Variants in OR1N2 observed in about 807,000 individuals in gnomAD.
OR1N2 encodes olfactory receptor 1N2.
For missense variants in OR1N2, 358 were observed against 380.2 expected (o/e 0.94, Z 0.49); for synonymous variants, 152 against 149.3 (o/e 1.02, Z -0.13).
At position 122,553,642 on chromosome 9, in the gene OR1N2, G is replaced by T. The variant is rs1564195108; in HGVS notation, c.431G>T (p.Cys144Phe). The stretch of plus-strand genomic sequence containing the variant: ...AGCACATCTATGAGTCCCCAGCTCT[G>T]TGCACTAATGCTGGGTGTGTGCTGG... ...HYSTSMSPQL[C>F]ALMLGVCWVL... The change falls in exon 1 of 1, where the codon TGT becomes TTT. Residue 144 changes from cysteine (C) to phenylalanine (F), a missense_variant. Physicochemically the swap from Cys to Phe is radical, Grantham distance 205. Transcript: ENST00000373688. The T allele has an allele frequency of 1.2e-6, 2 of 1,614,090 alleles. No individual in the cohort carries two copies. Among genetic ancestry groups the T allele is most frequent in the Non-Finnish European group, 1.7e-6 (2 of 1,180,000 alleles).
rs779474490 is a variant in OR1N2, at chr9:122,553,427, T to C, written c.216T>C (p.Thr72=). The C allele has an allele frequency of 6.2e-6, 10 of 1,614,196 alleles. No homozygotes were observed. The highest frequency in any genetic ancestry group is 8.5e-6 in the Non-Finnish European group (10 of 1,180,016). The change falls in exon 1 of 1, where the codon ACT becomes ACC. Residue 72 remains threonine, a synonymous_variant. Coordinates refer to ENST00000373688, the MANE Select transcript of OR1N2 (RefSeq NM_001004457.2). ...TCTTTCTGGCCAACCTGTCATTAAC[T>C]GATGCCTGTTTCACTTCTGCCTCCA... ...MYFFLANLSL[T]DACFTSASIP...
rs1159967873 is a variant in OR1N2 at position 122,553,392 on chromosome 9, C to G, written c.181C>G (p.Pro61Ala). The G allele has an allele frequency of 6.2e-7, 1 of 1,614,134 alleles. No individual in the cohort carries two copies. The highest frequency in any genetic ancestry group is 1.1e-5 in the South Asian group (1 of 91,078). The change falls in exon 1 of 1, where the codon CCC (proline) becomes GCC (alanine). Residue 61 changes from proline to alanine, a missense_variant. Physicochemically the swap from Pro to Ala is conservative, Grantham distance 27. Coordinates refer to ENST00000373688, the MANE Select transcript of OR1N2 (RefSeq NM_001004457.2). ...CAGCTCTGACCCACACCTCCATACT[C>G]CCATGTACTTCTTTCTGGCCAACCT... The part of the protein sequence containing the change: ...AISSDPHLHT[P>A]MYFFLANLSL...
In OR1N2 at chr9:122,553,890, G is replaced by C; in HGVS notation, c.679G>C (p.Ala227Pro). Reference protein sequence around the residue: ...IVFSYVRIFWAVFVISSPGGR... With the variant: ...IVFSYVRIFWPVFVISSPGGR... ...CTTCTCCTATGTCCGCATTTTCTGG[G>C]CTGTGTTTGTCATCTCATCTCCTGG... is the stretch of plus-strand genomic sequence containing the variant. The change falls in exon 1 of 1, where the codon GCT becomes CCT. Residue 227 changes from alanine (A) to proline (P), a missense_variant. Ala to Pro is a conservative substitution (Grantham distance 27). Transcript: ENST00000373688. 2 of 1,613,932 alleles carry C rather than the reference G, an allele frequency of 1.2e-6. No individual in the cohort carries two copies. Among genetic ancestry groups the C allele is most frequent in the Admixed American group, 1.7e-5 (1 of 60,000 alleles).
At position 122,553,129 on chromosome 9, in the gene OR1N2, A is replaced by G. The variant is rs375538229; in HGVS notation, c.-83A>G. ...TCCCAGCACAGTTCTGGCCACACAG[A>G]TGCATATCTGTAAATTGATCTAATA... On this transcript the variant is annotated 5_prime_UTR_variant, in exon 1 of 1. The change abolishes an upstream ATG in the 5' untranslated region. Transcript: ENST00000373688. 9 of 1,442,760 alleles carry G rather than the reference A, an allele frequency of 6.2e-6. No individual in the cohort carries two copies. The African/African-American group carries it at 1.1e-4, about 18-fold the overall frequency. 89.4% of individuals were successfully genotyped at this position (1,442,760 alleles called of 1,614,324 possible).
At position 122,553,811 on chromosome 9, in the gene OR1N2, G is replaced by A; in HGVS notation, c.600G>A (p.Leu200=). The A allele has an allele frequency of 6.2e-7, 1 of 1,614,088 alleles. No individual in the cohort carries two copies. Among genetic ancestry groups the A allele is most frequent in the Non-Finnish European group, 8.5e-7 (1 of 1,179,962 alleles). ...GCTCAGATACCCATGTAAACGAGCT[G>A]ATGATCATCACCATGGGCTTGCTGT... ...LACSDTHVNE[L]MIITMGLLFL... The change falls in exon 1 of 1, where the codon CTG becomes CTA. Residue 200 remains leucine, a synonymous_variant. Transcript: ENST00000373688.
Position 122,553,501 on chromosome 9 carries a change from A to G in OR1N2, c.290A>G (p.Tyr97Cys), listed in dbSNP as rs1316954253. Residue 97 changes from tyrosine (Y) to cysteine (C), a missense_variant, in exon 1 of 1, where the codon TAT becomes TGT. Coordinates refer to ENST00000373688, the MANE Select transcript of OR1N2 (RefSeq NM_001004457.2). The stretch of plus-strand genomic sequence containing the variant: ...CATACCCAGAGTCAGATCATCTCGT[A>G]TTCTGGGTGTCTTGCACAGCTATAT... ...NIHTQSQIIS[Y>C]SGCLAQLYFL... 1.2e-6 allele frequency: 2 copies of G among 1,614,034 alleles called. No homozygotes were observed. Among genetic ancestry groups the G allele is most frequent in the Non-Finnish European group, 1.7e-6 (2 of 1,179,994 alleles).
chr9:122,553,482 CAG>C lies in OR1N2; in HGVS notation c.274_275del (p.Gln93AspfsTer21), dbSNP rs1434431994. 6.2e-7 allele frequency: 1 copy of C among 1,613,996 alleles called. No individual in the cohort carries two copies. Among genetic ancestry groups the C allele is most frequent in the East Asian group, 2.2e-5 (1 of 44,894 alleles). On this transcript the variant is annotated frameshift_variant, in exon 1 of 1. Transcript: ENST00000373688. LOFTEE classifies it low-confidence loss of function (END_TRUNC). Reference protein sequence around the residue: ...IPKMLANIHTQSQIISYSGCL... With the variant: ...IPKMLANIHTXSQIISYSGCL... ...CAAAATGCTGGCCAACATTCATACC[CAG>C]AGTCAGATCATCTCGTATTCTGGGT...
In OR1N2 at chr9:122,553,451, CATCCCCAA is replaced by C; in HGVS notation, c.242_249del (p.Ile81AsnfsTer31). On this transcript the variant is annotated frameshift_variant, in exon 1 of 1. Transcript: ENST00000373688. LOFTEE classifies it low-confidence loss of function (END_TRUNC). ...CTGATGCCTGTTTCACTTCTGCCTC[CATCCCCAA>C]AATGCTGGCCAACATTCATACCCAG... 1 of 1,614,174 alleles carries C rather than the reference CATCCCCAA, an allele frequency of 6.2e-7. No homozygotes were observed. The highest frequency in any genetic ancestry group is 8.5e-7 in the Non-Finnish European group (1 of 1,180,014).
At position 122,553,272 on chromosome 9, in the gene OR1N2, T is replaced by A. The variant is rs1283280371; in HGVS notation, c.61T>A (p.Ser21Thr). ...TTCAGACTTCCTCCTTCTAGGACTC[T>A]CTGAGTGGCCAGAGGAGCAGCCTCT... ...TVSDFLLLGL[S>T]EWPEEQPLLF... Residue 21 changes from serine to threonine, a missense_variant, in exon 1 of 1, where the codon TCT becomes ACT. Transcript: ENST00000373688. 2 of 1,613,998 alleles carry A rather than the reference T, an allele frequency of 1.2e-6. No homozygotes were observed. The highest frequency in any genetic ancestry group is 1.7e-6 in the Non-Finnish European group (2 of 1,179,952).
In OR1N2 at chr9:122,553,137, C is replaced by T. The variant is rs747027947; in HGVS notation, c.-75C>T. ...CAGTTCTGGCCACACAGATGCATAT[C>T]TGTAAATTGATCTAATAAATAAATA... On this transcript the variant is annotated 5_prime_UTR_variant, in exon 1 of 1. Coordinates refer to ENST00000373688, the MANE Select transcript of OR1N2 (RefSeq NM_001004457.2). 8 of 1,510,180 alleles carry T rather than the reference C, an allele frequency of 5.3e-6. No individual in the cohort carries two copies. The highest frequency in any genetic ancestry group is 7.2e-6 in the Non-Finnish European group (8 of 1,109,938). The allele number at this position is 1,510,180 out of a possible 1,614,324, so 93.5% of individuals were successfully genotyped here. A position where few individuals can be genotyped will look rare whatever the true frequency, so the allele number is the denominator to read the frequency against.
Position 122,553,192 on chromosome 9 carries a change from G to A in OR1N2, c.-20G>A. ...CACATGGAAGGTTTTTATCTGCGCA[G>A]ATCACACGAACTACAAGGGATGGGA... On this transcript the variant is annotated 5_prime_UTR_variant, in exon 1 of 1. Coordinates refer to ENST00000373688, the MANE Select transcript of OR1N2 (RefSeq NM_001004457.2). 2 of 1,611,764 alleles carry A rather than the reference G, an allele frequency of 1.2e-6. No individual in the cohort carries two copies. The highest frequency in any genetic ancestry group is 1.7e-6 in the Non-Finnish European group (2 of 1,178,832).
Position 122,554,142 on chromosome 9 carries a change from G to A in OR1N2, c.931G>A (p.Gly311Arg), listed in dbSNP as rs745922925. 1 of 1,610,760 alleles carries A rather than the reference G, an allele frequency of 6.2e-7. No homozygotes were observed. The highest frequency in any genetic ancestry group is 1.3e-5 in the African/African-American group (1 of 74,664). ...KEALGKLFVS[G>R]KTFFL ...GGCTTTGGGTAAACTTTTTGTCAGTGGAAAAACATTCTTTTTATGATTAGA... is the reference window on the plus strand; with the variant it reads ...GGCTTTGGGTAAACTTTTTGTCAGTAGAAAAACATTCTTTTTATGATTAGA... The change falls in exon 1 of 1, where the codon GGA becomes AGA. Residue 311 changes from glycine to arginine, a missense_variant. Coordinates refer to ENST00000373688, the MANE Select transcript of OR1N2 (RefSeq NM_001004457.2).
chr9:122,554,161 G>T lies in OR1N2; in HGVS notation c.950G>T (p.Ter317LeuextTer4). The T allele has an allele frequency of 1.9e-6, 3 of 1,607,512 alleles. No homozygotes were observed. The highest frequency in any genetic ancestry group is 2.2e-5 in the South Asian group (2 of 90,166). The part of the protein sequence containing the change: ...LFVSGKTFFL[*>L] ...GTCAGTGGAAAAACATTCTTTTTAT[G>T]ATTAGACATCTAGACGGTGATGTCT... The change falls in exon 1 of 1, where the codon TGA becomes TTA. Residue 317 changes from the stop codon to leucine, a stop_lost. Coordinates refer to ENST00000373688, the MANE Select transcript of OR1N2 (RefSeq NM_001004457.2).
In OR1N2 at chr9:122,553,217, A is replaced by G. The variant is rs754891042; in HGVS notation, c.6A>G (p.Gly2=). ...GATCACACGAACTACAAGGGATGGG[A>G]AAACCAGGCAGAGTGAACCAAACCA... is the stretch of plus-strand genomic sequence containing the variant. M[G]KPGRVNQTTV... is the part of the protein sequence containing the mutation. Residue 2 remains glycine (G), a synonymous_variant, in exon 1 of 1, where the codon GGA becomes GGG. Transcript: ENST00000373688. 6.2e-7 allele frequency: 1 copy of G among 1,613,578 alleles called. No individual in the cohort carries two copies. Among genetic ancestry groups the G allele is most frequent in the Non-Finnish European group, 8.5e-7 (1 of 1,179,594 alleles).
At position 122,553,754 on chromosome 9, in the gene OR1N2, T is replaced by C. The variant is rs1341042; in HGVS notation, c.543T>C (p.Tyr181=). 0.5 allele frequency: 805,845 copies of C among 1,612,128 alleles called. 203,483 individuals carry two copies. Among genetic ancestry groups the C allele is most frequent in the East Asian group, 0.62 (27,874 of 44,786 alleles). Residue 181 remains tyrosine, a synonymous_variant, in exon 1 of 1, where the codon TAT becomes TAC. Coordinates refer to ENST00000373688, the MANE Select transcript of OR1N2 (RefSeq NM_001004457.2). ...FCAQKAIPHF[Y]CDPSALLKLA... is the part of the protein sequence containing the mutation. ...CCCAGAAAGCCATCCCTCATTTCTA[T>C]TGTGATCCTAGTGCTCTCCTGAAGC...
chr9:122,553,332 A>G lies in OR1N2; in HGVS notation c.121A>G (p.Thr41Ala), dbSNP rs1394471593. 3 of 1,613,962 alleles carry G rather than the reference A, an allele frequency of 1.9e-6. No individual in the cohort carries two copies. The highest frequency in any genetic ancestry group is 1.3e-5 in the African/African-American group (1 of 74,986). The change falls in exon 1 of 1, where the codon ACC becomes GCC. Residue 41 changes from threonine to alanine, a missense_variant. Thr to Ala is a moderately conservative substitution (Grantham distance 58). Transcript: ENST00000373688. ...CATCTTCCTTGGCATGTACCTGGTCACCATGGTGGGGAACCTGCTCATTAT... is the reference window on the plus strand; with the variant it reads ...CATCTTCCTTGGCATGTACCTGGTCGCCATGGTGGGGAACCTGCTCATTAT... ...FGIFLGMYLV[T>A]MVGNLLIILA...
At position 122,553,491 on chromosome 9, in the gene OR1N2, A is replaced by G. The variant is rs759608489; in HGVS notation, c.280A>G (p.Ile94Val). The G allele has an allele frequency of 1.5e-5, 24 of 1,614,002 alleles. No individual in the cohort carries two copies. The Admixed American group carries it at 4.0e-4, about 27-fold the overall frequency. ...MLANIHTQSQ[I>V]ISYSGCLAQL... ...GGCCAACATTCATACCCAGAGTCAG[A>G]TCATCTCGTATTCTGGGTGTCTTGC... is the stretch of plus-strand genomic sequence containing the variant. Residue 94 changes from isoleucine (I) to valine (V), a missense_variant, in exon 1 of 1, where the codon ATC becomes GTC. Coordinates refer to ENST00000373688, the MANE Select transcript of OR1N2 (RefSeq NM_001004457.2).
rs753768648 is a variant in OR1N2 at position 122,553,505 on chromosome 9, T to C, written c.294T>C (p.Ser98=). 3.1e-6 allele frequency: 5 copies of C among 1,614,046 alleles called. No individual in the cohort carries two copies. In the African/African-American group the frequency reaches 6.7e-5, roughly 22 times the overall value. Residue 98 remains serine (S), a synonymous_variant, in exon 1 of 1, where the codon TCT becomes TCC. Transcript: ENST00000373688. ...CCCAGAGTCAGATCATCTCGTATTC[T>C]GGGTGTCTTGCACAGCTATATTTCC... is the stretch of plus-strand genomic sequence containing the variant. ...IHTQSQIISY[S]GCLAQLYFLL... is the part of the protein sequence containing the mutation.
chr9:122,553,822 C>T lies in OR1N2; in HGVS notation c.611C>T (p.Thr204Ile), dbSNP rs1274397670. ...CATGTAAACGAGCTGATGATCATCACCATGGGCTTGCTGTTCCTCACTGTT... is the reference window on the plus strand; with the variant it reads ...CATGTAAACGAGCTGATGATCATCATCATGGGCTTGCTGTTCCTCACTGTT... ...DTHVNELMII[T>I]MGLLFLTVPL... The change falls in exon 1 of 1, where the codon ACC becomes ATC. Residue 204 changes from threonine (T) to isoleucine (I), a missense_variant. Coordinates refer to ENST00000373688, the MANE Select transcript of OR1N2 (RefSeq NM_001004457.2). 3 of 1,613,866 alleles carry T rather than the reference C, an allele frequency of 1.9e-6. No homozygotes were observed. Among genetic ancestry groups the T allele is most frequent in the Admixed American group, 3.3e-5 (2 of 60,012 alleles).
Sources: gnomAD v4.1 joint callset for allele counts on GRCh38, gnomAD v4.1.1 for gene constraint, MANE v1.5 for transcripts, NCBI Gene and HGNC (gene_info 2026-07-23, HGNC 2026-07-21) for gene names.